ARHGEF3: variants seen among roughly 807,000 people sequenced by gnomAD.
ARHGEF3 encodes the protein 59.8 kDA protein.
Under a neutral mutation model 63.2 loss-of-function variants are expected in ARHGEF3, and 28 were observed. That is an observed-to-expected ratio of 0.44 (90% CI 0.33 to 0.61). ARHGEF3 has a LOEUF of 0.61. Among genes scored for constraint, ARHGEF3 ranks in the 20% least tolerant of loss-of-function variants. The pLI, the probability that ARHGEF3 is intolerant of heterozygous loss-of-function variation, is 0.03. For synonymous variants in ARHGEF3, 266 were observed against 254.2 expected, an observed-to-expected ratio of 1.05 and a Z score of -0.44; for missense variants, 533 against 659.3, an observed-to-expected ratio of 0.81 and a Z score of 2.10.
chr3:56,752,219 C>A (rs1423461286), intron 4 of ARHGEF3, among the ~76,000 whole-genome samples: 1 of 150,186 alleles, frequency 6.7e-6, no homozygotes, highest in South Asian at 2.1e-4. Flanking sequence ...CAGCACCCAG[C>A]CTAATTTTTG....
At chr3:56,882,340 C>T in exon 4 of ARHGEF3, 2 of 1,551,746 alleles carry the variant, frequency 1.3e-6, no homozygotes, top group East Asian at 4.9e-5. Flanking sequence ...CTTGGGTGCT[C>T]TGTTTCCGTT....
intron 4 of ARHGEF3, among the ~76,000 whole-genome samples, chr3:56,871,594 TATA>T (rs2040431959): frequency 6.6e-6 from 1 of 152,208 alleles, no homozygotes; most frequent in African/African-American, 2.4e-5. Context: ...ACAACTTTTA[TATA>T]ATGTTTTACA....
intron 8 of ARHGEF3, 91 bp from the exon 9 acceptor site, chr3:56,732,515 A>C (rs1462641440): frequency 2.8e-6 from 4 of 1,428,202 alleles, no homozygotes; most frequent in Non-Finnish European, 3.9e-6. Context: ...GTCCCCAGGT[A>C]CCAGGTTCAC....
At chr3:56,899,571 T>C (rs529083521) in intron 3 of ARHGEF3, among the ~76,000 whole-genome samples, 17 of 152,362 alleles carry the variant, frequency 1.1e-4, no homozygotes, top group Admixed American at 2.6e-4. Flanking sequence ...TTGTTTACCA[T>C]AGTAATATAA....
intron 3 of ARHGEF3, among the ~76,000 whole-genome samples, chr3:56,954,285 T>C (rs1699945011): frequency 6.6e-6 from 1 of 152,014 alleles, no homozygotes; most frequent in South Asian, 2.1e-4. Context: ...AGCTCTAGGG[T>C]GTGTGTCTTC....
chr3:56,759,757 G>A (rs2035315213), intron 2 of ARHGEF3, among the ~76,000 whole-genome samples: 2 of 151,464 alleles, frequency 1.3e-5, no homozygotes, highest in Non-Finnish European at 2.9e-5. Context: ...TGTTGCCCAG[G>A]TTGGTCTTGA....
intron 3 of ARHGEF3, among the ~76,000 whole-genome samples, chr3:56,897,107 A>G (rs1399749767): frequency 6.6e-6 from 1 of 152,210 alleles, no homozygotes; most frequent in East Asian, 1.9e-4. Context: ...AGAGCTTTCC[A>G]TTCTCCACCA....
chr3:57,066,608 C>A (rs563418465), intron 1 of ARHGEF3, among the ~76,000 whole-genome samples: 1 of 152,282 alleles, frequency 6.6e-6, no homozygotes, highest in Non-Finnish European at 1.5e-5. Flanking sequence ...CAGTATTTTA[C>A]CCACTGTGAT....
At chr3:56,781,958 G>A (rs1024024916) in intron 1 of ARHGEF3, among the ~76,000 whole-genome samples, 1 of 152,164 alleles carries the variant, frequency 6.6e-6, no homozygotes, top group African/African-American at 2.4e-5. Context: ...GCATGGTGCG[G>A]TGGACAACAC....
chr3:56,939,533 A>G (rs1363996119), intron 3 of ARHGEF3, among the ~76,000 whole-genome samples: 2 of 152,224 alleles, frequency 1.3e-5, no homozygotes, highest in African/African-American at 2.4e-5. Flanking sequence ...CTGAACCCCA[A>G]TACTTCCCAA....
intron 8 of ARHGEF3, among the ~76,000 whole-genome samples, chr3:56,734,679 A>T (rs188027624): frequency 2.6e-5 from 4 of 152,304 alleles, no homozygotes; most frequent in Admixed American, 2.6e-4. Context: ...AATTTAGGAG[A>T]AAAGAAACCC....
chr3:56,967,922 T>A (rs1247910877), intron 2 of ARHGEF3, among the ~76,000 whole-genome samples: 1 of 69,572 alleles, frequency 1.4e-5, no homozygotes, highest in Non-Finnish European at 2.4e-5. Context: ...TATAATATAT[T>A]ATATATAATA....
intron 3 of ARHGEF3, among the ~76,000 whole-genome samples, chr3:56,947,359 C>G (rs1027703403): frequency 6.6e-6 from 1 of 152,172 alleles, no homozygotes; most frequent in Non-Finnish European, 1.5e-5. Context: ...CAAGACCCAT[C>G]AGTGTGCTGT....
At chr3:57,037,943 G>C (rs564589747) in intron 1 of ARHGEF3, among the ~76,000 whole-genome samples, 3 of 152,348 alleles carry the variant, frequency 2.0e-5, no homozygotes, top group Admixed American at 6.5e-5. Flanking sequence ...GGCAGGGACT[G>C]GGGGCATCGA....
chr3:56,971,225 T>A (rs1700897194), intron 2 of ARHGEF3, among the ~76,000 whole-genome samples: 1 of 152,058 alleles, frequency 6.6e-6, no homozygotes, highest in Non-Finnish European at 1.5e-5. Flanking sequence ...CATATGCACT[T>A]CAGAGAGAGA....
chr3:56,912,905 A>G (rs2041889239), intron 3 of ARHGEF3, among the ~76,000 whole-genome samples: 1 of 152,226 alleles, frequency 6.6e-6, no homozygotes, highest in Non-Finnish European at 1.5e-5. Flanking sequence ...TGGAAGGCCA[A>G]GGTGGGATGA....
chr3:56,874,236 C>CAAAA (rs1177876098), intron 4 of ARHGEF3, among the ~76,000 whole-genome samples: 1 of 152,058 alleles, frequency 6.6e-6, no homozygotes, highest in Non-Finnish European at 1.5e-5. Context: ...ACCATAAACC[C>CAAAA]AAAACAAACA....
chr3:56,750,970 TA>T, intron 6 of ARHGEF3, 85 bp downstream of exon 6: 1 of 969,922 alleles, frequency 1.0e-6, no homozygotes, highest in Non-Finnish European at 1.4e-6. Flanking sequence ...AAAATAAAAA[TA>T]AAAATAAAAA....
At chr3:57,074,376 C>T (rs1706111128) in intron 1 of ARHGEF3, 4 of 919,048 alleles carry the variant, frequency 4.4e-6, no homozygotes, top group Admixed American at 4.7e-5. Context: ...TGACTCGTAG[C>T]CATCCCTTTC....
Sources: allele counts gnomAD v4.1 joint callset (sites outside exome capture counted in the v4.1 genomes callset), GRCh38; gene constraint gnomAD v4.1.1; transcripts MANE v1.5; gene names NCBI Gene and HGNC (gene_info 2026-07-23, HGNC 2026-07-21).